Variants in ZNF385D observed in about 807,000 individuals in gnomAD.
ZNF385D encodes zinc finger protein 659.
Under a neutral mutation model 35.8 loss-of-function variants are expected in ZNF385D, and 15 were observed. The ratio of observed to expected loss-of-function variants is 0.42; its 90% confidence interval spans 0.28 to 0.64. ZNF385D has a LOEUF of 0.64. Among genes scored for constraint, ZNF385D ranks in the 30% least tolerant of loss-of-function variants. The probability of loss-of-function intolerance (pLI) is 0.23; values close to 1 mark genes in which losing one functional copy is unlikely to be tolerated. For missense variants in ZNF385D, 474 were observed against 494.6 expected (o/e 0.96, Z 0.39); for synonymous variants, 212 against 186.8 (o/e 1.13, Z -1.10).
intron 4 of ZNF385D, among the ~76,000 whole-genome samples, chr3:21,446,413 G>T (rs1344599149): frequency 6.8e-6 from 1 of 147,514 alleles, no homozygotes; most frequent in Non-Finnish European, 1.5e-5. Context: ...GGGGAAGCTA[G>T]TTACTCTAAA....
At chr3:21,823,644 G>C (rs1161810507) in intron 3 of ZNF385D, among the ~76,000 whole-genome samples, 1 of 152,132 alleles carries the variant, frequency 6.6e-6, no homozygotes, top group Admixed American at 6.6e-5. Flanking sequence ...TATCTCAGAA[G>C]TGAACTAGAA....
At chr3:21,887,161 G>A (rs1350061407) in intron 3 of ZNF385D, among the ~76,000 whole-genome samples, 1 of 152,118 alleles carries the variant, frequency 6.6e-6, no homozygotes, top group Non-Finnish European at 1.5e-5. Flanking sequence ...TATGAGGACA[G>A]GACTTTAATG....
At chr3:21,923,522 A>G (rs534298076) in intron 3 of ZNF385D, among the ~76,000 whole-genome samples, 30 of 152,268 alleles carry the variant, frequency 2.0e-4, no homozygotes, top group African/African-American at 7.0e-4. Context: ...GAATCAAAAG[A>G]AAACAAATCA....
At chr3:22,261,368 T>C (rs931687323) in intron 2 of ZNF385D, among the ~76,000 whole-genome samples, 1 of 152,048 alleles carries the variant, frequency 6.6e-6, no homozygotes, top group African/African-American at 2.4e-5. Context: ...ATGCATTGTG[T>C]GGCATTAGGA....
At chr3:21,701,427 C>G (rs908453611) in intron 1 of ZNF385D, among the ~76,000 whole-genome samples, 1 of 152,070 alleles carries the variant, frequency 6.6e-6, no homozygotes, top group African/African-American at 2.4e-5. Context: ...GTTACCTCCC[C>G]CTGGGTCCCT....
intron 2 of ZNF385D, among the ~76,000 whole-genome samples, chr3:22,186,634 T>C (rs1267078366): frequency 6.6e-6 from 1 of 152,090 alleles, no homozygotes; most frequent in Non-Finnish European, 1.5e-5. Context: ...GCAAATGAGC[T>C]GGGTCATAAG....
At chr3:22,186,119 A>T (rs994142756) in intron 2 of ZNF385D, among the ~76,000 whole-genome samples, 6 of 152,186 alleles carry the variant, frequency 3.9e-5, no homozygotes, top group Admixed American at 3.3e-4. Context: ...CTGATTGCTT[A>T]ATTAAGCAAG....
intron 3 of ZNF385D, among the ~76,000 whole-genome samples, chr3:22,082,616 A>AG (rs1355327027): frequency 1.3e-5 from 2 of 152,136 alleles, no homozygotes; most frequent in African/African-American, 4.8e-5. Context: ...CTCCACCTCT[A>AG]GGGGCAGGGC....
intron 3 of ZNF385D, among the ~76,000 whole-genome samples, chr3:22,101,121 G>A (rs893380024): frequency 6.6e-6 from 1 of 151,978 alleles, no homozygotes; most frequent in Admixed American, 6.6e-5. Flanking sequence ...TTCATAATAA[G>A]GTTCTACTTG....
chr3:21,412,417 T>C lies in ZNF385D; in HGVS notation c.*8797A>G, dbSNP rs1267271284. On this transcript the variant is annotated 3_prime_UTR_variant, in exon 8 of 8. Transcript: ENST00000281523. ...AGAACATAGAGAATACATAATTTGT[T>C]CTAATATTCCTCTTCCTTAGAGCCT... 1 of 151,950 alleles carries C rather than the reference T, an allele frequency of 6.6e-6. No homozygotes were observed. The highest frequency in any genetic ancestry group is 1.5e-5 in the Non-Finnish European group (1 of 67,940). 9.4% of individuals were successfully genotyped at this position (151,950 alleles called of 1,614,324 possible). A position where few individuals can be genotyped will look rare whatever the true frequency, so the allele number is the denominator to read the frequency against.
At chr3:22,218,361 G>C (rs1226495107) in intron 2 of ZNF385D, among the ~76,000 whole-genome samples, 2 of 151,644 alleles carry the variant, frequency 1.3e-5, no homozygotes, top group East Asian at 3.9e-4. Context: ...CTGGTAAACA[G>C]AAATACAATT....
intron 3 of ZNF385D, among the ~76,000 whole-genome samples, chr3:22,076,505 G>T (rs1479560110): frequency 6.6e-6 from 1 of 151,804 alleles, no homozygotes; most frequent in Non-Finnish European, 1.5e-5. Context: ...ACCACTTAAA[G>T]TTGGTCCTCC....
chr3:21,633,992 TC>T (rs919617244), intron 2 of ZNF385D, among the ~76,000 whole-genome samples: 18 of 151,828 alleles, frequency 1.2e-4, no homozygotes, highest in African/African-American at 4.3e-4. Flanking sequence ...GCCCAGGAGT[TC>T]AAGAACAGCC....
chr3:22,080,626 T>C (rs1454194945), intron 3 of ZNF385D, among the ~76,000 whole-genome samples: 1 of 151,984 alleles, frequency 6.6e-6, no homozygotes, highest in Non-Finnish European at 1.5e-5. Context: ...TACATTTCCG[T>C]ATCCATTTTA....
chr3:22,131,150 A>G (rs1010063761), intron 3 of ZNF385D, among the ~76,000 whole-genome samples: 8 of 152,198 alleles, frequency 5.3e-5, no homozygotes, highest in African/African-American at 1.9e-4. Flanking sequence ...GAATTCCAAG[A>G]ACTAAGCCCT....
intron 2 of ZNF385D, among the ~76,000 whole-genome samples, chr3:22,241,969 G>T (rs574693487): frequency 6.7e-6 from 1 of 149,606 alleles, no homozygotes; most frequent in Admixed American, 6.7e-5. Context: ...ACTCCCATTC[G>T]CAAGAACAAA....
At chr3:21,613,027 G>T (rs461358) in intron 2 of ZNF385D, among the ~76,000 whole-genome samples, 1 of 135,416 alleles carries the variant, frequency 7.4e-6, no homozygotes, top group African/African-American at 2.8e-5. Flanking sequence ...GGGTACTAAA[G>T]AACACCCTCT....
At chr3:21,584,804 G>A (rs1261233959) in intron 2 of ZNF385D, among the ~76,000 whole-genome samples, 1 of 151,980 alleles carries the variant, frequency 6.6e-6, no homozygotes, top group Non-Finnish European at 1.5e-5. Context: ...CATTCTACCT[G>A]CAGACCCTAA....
intron 2 of ZNF385D, among the ~76,000 whole-genome samples, chr3:21,644,937 A>G (rs1480832196): frequency 3.9e-5 from 6 of 152,194 alleles, no homozygotes; most frequent in African/African-American, 1.4e-4. Flanking sequence ...CCTAGTTAAT[A>G]GATGACACTC....
Sources: gnomAD v4.1 joint callset for allele counts (sites outside exome capture counted in the v4.1 genomes callset) on GRCh38, gnomAD v4.1.1 for gene constraint, MANE v1.5 for transcripts, NCBI Gene and HGNC (gene_info 2026-07-23, HGNC 2026-07-21) for gene names.